Variants in DLG2 observed in about 807,000 individuals in gnomAD.
DLG2 encodes the protein discs large MAGUK scaffold protein 2.
DLG2 carries 45 observed loss-of-function variants against 132.5 expected under a neutral mutation model. The ratio of observed to expected loss-of-function variants is 0.34; its 90% CI spans 0.27 to 0.44. DLG2 has a LOEUF of 0.44. Among genes scored for constraint, DLG2 ranks in the 20% least tolerant of loss-of-function variants. The pLI is 1.00. For missense variants in DLG2, 1,045 were observed against 1,196.9 expected (o/e 0.87, Z 1.87); for synonymous variants, 424 against 419.6 (o/e 1.01, Z -0.13).
At chr11:83,763,245 G>A (rs2093991039) in intron 18 of DLG2, among the ~76,000 whole-genome samples, 1 of 152,092 alleles carries the variant, frequency 6.6e-6, no homozygotes. Context: ...GTGTGTTGTG[G>A]GGGTTTGGTG....
chr11:85,379,110 T>C (rs2085665473), intron 3 of DLG2, among the ~76,000 whole-genome samples: 1 of 152,164 alleles, frequency 6.6e-6, no homozygotes, highest in South Asian at 2.1e-4. Context: ...TCACCATAAG[T>C]AGGTCAACAG....
chr11:84,849,746 A>C (rs543191359), intron 6 of DLG2, among the ~76,000 whole-genome samples: 1 of 152,080 alleles, frequency 6.6e-6, no homozygotes, highest in African/African-American at 2.4e-5. Flanking sequence ...TTACAACGAC[A>C]CTGTTGCAAG....
intron 7 of DLG2, among the ~76,000 whole-genome samples, chr11:84,334,785 T>G (rs923730198): frequency 3.7e-4 from 56 of 152,218 alleles, no homozygotes; most frequent in Non-Finnish European, 7.4e-4. Flanking sequence ...ACTACAACTT[T>G]GATAGCATGA....
chr11:85,527,809 G>T (rs575151281), intron 3 of DLG2, among the ~76,000 whole-genome samples: 5 of 152,002 alleles, frequency 3.3e-5, no homozygotes, highest in Middle Eastern at 3.2e-3. Context: ...TTACACTCCC[G>T]CCAACAATAT....
chr11:85,583,594 G>A (rs1227101466), intron 3 of DLG2, among the ~76,000 whole-genome samples: 1 of 152,136 alleles, frequency 6.6e-6, no homozygotes, highest in Non-Finnish European at 1.5e-5. Flanking sequence ...ACTTTCTGAT[G>A]TAAAAGTGAA....
rs143372767 is a variant in DLG2, at chr11:84,639,336, G to A, written c.358-104605C>T. Among the ~76,000 whole-genome samples the A allele has an allele frequency of 8.3e-4, 117 of 140,770 alleles. No individual in the cohort carries two copies. The East Asian group carries it at 0.021, about 25-fold the overall frequency. 92.4% of individuals were successfully genotyped at this position (140,770 alleles called of 152,430 possible). On this transcript the variant is annotated intron_variant, in intron 6 of 27. Coordinates refer to ENST00000376104, the MANE Select transcript of DLG2 (RefSeq NM_001142699.3). The stretch of plus-strand genomic sequence containing the variant: ...AATGGCAATACAACTGCAGCATATT[G>A]CAGATATCTGTGTTTTTTTTTTTTT...
rs34317339 is a variant in DLG2, at chr11:83,960,636, ATT to A, written c.1340+2247_1340+2248del. On this transcript the variant is annotated intron_variant, in intron 14 of 27. Transcript: ENST00000376104. ...CATTGGGGAATCCATTGATTTACAC[ATT>A]TTTTTTTTTTGCCTCAATTGAATAG... 4.7e-3 allele frequency among the ~76,000 whole-genome samples: 686 copies of A among 146,032 alleles called. 5 individuals carry two copies. The highest frequency in any genetic ancestry group is 0.015 in the African/African-American group (609 of 40,492).
chr11:83,887,134 C>A (rs931964363), intron 15 of DLG2, among the ~76,000 whole-genome samples: 1 of 152,044 alleles, frequency 6.6e-6, no homozygotes, highest in African/African-American at 2.4e-5. Flanking sequence ...CACAAAAAAC[C>A]CTTCAAAAAA....
intron 7 of DLG2, among the ~76,000 whole-genome samples, chr11:84,396,768 G>A (rs2098812540): frequency 6.6e-6 from 1 of 152,144 alleles, no homozygotes; most frequent in African/African-American, 2.4e-5. Flanking sequence ...GCATTCCAGT[G>A]GACTGGGCAG....
chr11:84,989,802 C>A (rs569509011), intron 6 of DLG2, among the ~76,000 whole-genome samples: 1 of 152,092 alleles, frequency 6.6e-6, no homozygotes, highest in Non-Finnish European at 1.5e-5. Flanking sequence ...GAATGGAAAC[C>A]CCTTATAGAA....
chr11:85,204,291 A>G (rs1016372072), intron 4 of DLG2, among the ~76,000 whole-genome samples: 1 of 152,152 alleles, frequency 6.6e-6, no homozygotes, highest in Non-Finnish European at 1.5e-5. Flanking sequence ...AGAAAAACCT[A>G]AACACTTTAG....
At chr11:84,233,428 G>T (rs1270388061) in intron 8 of DLG2, among the ~76,000 whole-genome samples, 1 of 152,192 alleles carries the variant, frequency 6.6e-6, no homozygotes, top group African/African-American at 2.4e-5. Context: ...CTGGAAGCTT[G>T]CACAGGGGAA....
At chr11:83,620,859 G>A (rs1291990641) in intron 19 of DLG2, among the ~76,000 whole-genome samples, 13 of 86,090 alleles carry the variant, frequency 1.5e-4, no homozygotes, top group Non-Finnish European at 2.2e-4. Context: ...GACAGAGCGA[G>A]ACTCCGTCTC....
chr11:85,481,754 C>T (rs1160047189), intron 3 of DLG2, among the ~76,000 whole-genome samples: 1 of 151,986 alleles, frequency 6.6e-6, no homozygotes, highest in Admixed American at 6.5e-5. Context: ...TGCCCCAGTA[C>T]CAGGCCAAAC....
chr11:84,929,023 T>TATA, intron 6 of DLG2, among the ~76,000 whole-genome samples: 1 of 131,700 alleles, frequency 7.6e-6, no homozygotes, highest in South Asian at 2.5e-4. Context: ...TATATATATA[T>TATA]ATTACTGTGA....
In DLG2 at chr11:85,207,907, G is replaced by T. The variant is rs553497111; in HGVS notation, c.187-53256C>A. 3.4e-3 allele frequency among the ~76,000 whole-genome samples: 513 copies of T among 151,500 alleles called. 4 individuals carry two copies. The highest frequency in any genetic ancestry group is 5.4e-3 in the Non-Finnish European group (369 of 67,890). On this transcript the variant is annotated intron_variant, in intron 4 of 27. Transcript: ENST00000376104. Reference sequence around the variant, plus strand: ...TCATGCCCTCTACATCTGGTAAACTGCTTTTTATCCTTCAAAACCCATTTC... The same window carrying T: ...TCATGCCCTCTACATCTGGTAAACTTCTTTTTATCCTTCAAAACCCATTTC...
At chr11:85,619,328 CCAA>C (rs1167236322) in intron 2 of DLG2, among the ~76,000 whole-genome samples, 1 of 152,004 alleles carries the variant, frequency 6.6e-6, no homozygotes, top group Non-Finnish European at 1.5e-5. Context: ...TAGGCACATG[CCAA>C]CAAGCCCAGC....
chr11:85,003,987 T>A (rs2058429188), intron 6 of DLG2, among the ~76,000 whole-genome samples: 1 of 152,234 alleles, frequency 6.6e-6, no homozygotes, highest in Non-Finnish European at 1.5e-5. Flanking sequence ...TTTCTGTTCC[T>A]GTGTTAGTTT....
At chr11:85,378,043 C>T (rs945417011) in intron 3 of DLG2, among the ~76,000 whole-genome samples, 2 of 151,956 alleles carry the variant, frequency 1.3e-5, no homozygotes, top group Non-Finnish European at 2.9e-5. Context: ...CATGGGACAA[C>T]ATTTTTCTGG....
Sources: gnomAD v4.1 joint callset for allele counts (sites outside exome capture counted in the v4.1 genomes callset) on GRCh38, gnomAD v4.1.1 for gene constraint, MANE v1.5 for transcripts, NCBI Gene and HGNC (gene_info 2026-07-23, HGNC 2026-07-21) for gene names.